Variants in TMEM132D observed in about 807,000 individuals in gnomAD.
The protein encoded by TMEM132D is transmembrane protein 132D.
A neutral mutation model predicts 62.3 loss-of-function variants in TMEM132D; 21 were observed. That is an observed-to-expected ratio of 0.34 (90% confidence interval 0.24 to 0.49). The LOEUF is 0.49. TMEM132D is among the 20% of genes least tolerant of loss of function. The pLI is 0.99. For missense variants in TMEM132D, 1,346 were observed against 1,402.8 expected, an observed-to-expected ratio of 0.96 and a Z score of 0.65; for synonymous variants, 621 against 575.6, an observed-to-expected ratio of 1.08 and a Z score of -1.13.
rs761892015 is a variant in TMEM132D at position 129,524,920 on chromosome 12, C to CTTTTTTTTT, written c.1115+6138_1115+6139insAAAAAAAAA. ...CATTTTATTATTTTCATATTTTTTT[C>CTTTTTTTTT]TTTTTTCTTTTTTTTTTTTTTTTTG... On this transcript the variant is annotated intron_variant, in intron 3 of 8. Transcript: ENST00000422113. Among the ~76,000 whole-genome samples, 32 of 92,160 alleles carry CTTTTTTTTT rather than the reference C, an allele frequency of 3.5e-4. 2 individuals are homozygous for CTTTTTTTTT. Among genetic ancestry groups the CTTTTTTTTT allele is most frequent in the East Asian group, 6.6e-4 (2 of 3,040 alleles). 60.5% of individuals were successfully genotyped at this position (92,160 alleles called of 152,430 possible).
intron 1 of TMEM132D, among the ~76,000 whole-genome samples, chr12:129,776,861 C>T (rs1412494321): frequency 6.7e-6 from 1 of 149,576 alleles, no homozygotes; most frequent in Non-Finnish European, 1.5e-5. Context: ...TCTTTTATCA[C>T]AAAATCTGTT....
chr12:129,796,159 A>G (rs976817006), intron 1 of TMEM132D, among the ~76,000 whole-genome samples: 2 of 151,986 alleles, frequency 1.3e-5, no homozygotes, highest in Non-Finnish European at 2.9e-5. Context: ...ACATACTGAG[A>G]CCCTGTCTCT....
chr12:129,361,696 G>C (rs9971665), intron 3 of TMEM132D, among the ~76,000 whole-genome samples: 12,863 of 152,086 alleles, frequency 0.085, 697 homozygotes, highest in African/African-American at 0.15. Context: ...TATTGCAAAG[G>C]GATATTTAGA....
At chr12:129,537,754 G>C (rs1284009308) in intron 2 of TMEM132D, among the ~76,000 whole-genome samples, 1 of 152,192 alleles carries the variant, frequency 6.6e-6, no homozygotes, top group East Asian at 1.9e-4. Context: ...GAAATGGGGG[G>C]TCTCCACACC....
At chr12:129,078,986 C>G (rs1358451366) in intron 7 of TMEM132D, among the ~76,000 whole-genome samples, 1 of 152,342 alleles carries the variant, frequency 6.6e-6, no homozygotes, top group East Asian at 1.9e-4. Flanking sequence ...CCCCACACAT[C>G]AGCTCCGTTT....
chr12:129,522,051 A>G (rs1875864321), intron 3 of TMEM132D, among the ~76,000 whole-genome samples: 1 of 152,204 alleles, frequency 6.6e-6, no homozygotes, highest in Non-Finnish European at 1.5e-5. Flanking sequence ...GCAAGAGCTT[A>G]ACGAAGGTTC....
intron 4 of TMEM132D, among the ~76,000 whole-genome samples, chr12:129,259,902 G>T (rs1381159379): frequency 6.6e-6 from 1 of 152,114 alleles, no homozygotes; most frequent in Non-Finnish European, 1.5e-5. Context: ...TTACTGAGAT[G>T]GGAAAGATGA....
At chr12:129,166,479 T>A (rs1470485874) in intron 5 of TMEM132D, among the ~76,000 whole-genome samples, 2 of 152,068 alleles carry the variant, frequency 1.3e-5, no homozygotes, top group Non-Finnish European at 2.9e-5. Flanking sequence ...CAAATTTAGA[T>A]TCTATCCTGA....
At chr12:129,901,974 T>C (rs117892227) in intron 1 of TMEM132D, among the ~76,000 whole-genome samples, 2,899 of 152,208 alleles carry the variant, frequency 0.019, 45 homozygotes, top group Middle Eastern at 0.085. Context: ...TTTTCTTTGG[T>C]TTCCTGTGCA....
At chr12:129,459,519 TG>T (rs1362932369) in intron 3 of TMEM132D, among the ~76,000 whole-genome samples, 1 of 152,142 alleles carries the variant, frequency 6.6e-6, no homozygotes, top group Admixed American at 6.5e-5. Flanking sequence ...CCATTTCAGA[TG>T]GGAATACTTA....
At chr12:129,292,316 G>A (rs1177830032) in intron 4 of TMEM132D, among the ~76,000 whole-genome samples, 1 of 152,194 alleles carries the variant, frequency 6.6e-6, no homozygotes, top group Non-Finnish European at 1.5e-5. Flanking sequence ...GAGAAACAAT[G>A]GAAGAAGCCC....
At chr12:129,270,079 T>C (rs1880811825) in intron 4 of TMEM132D, among the ~76,000 whole-genome samples, 2 of 152,206 alleles carry the variant, frequency 1.3e-5, no homozygotes, top group African/African-American at 4.8e-5. Flanking sequence ...AAGCTCTGGC[T>C]TTTCAGAGTC....
Position 129,077,876 on chromosome 12 carries a change from CACAG to C in TMEM132D, c.2115+654_2115+657del, listed in dbSNP as rs1023960320. 1.5e-3 allele frequency among the ~76,000 whole-genome samples: 206 copies of C among 140,614 alleles called. 5 individuals are homozygous for C. In the East Asian group the frequency reaches 0.029, roughly 20 times the overall value. 92.2% of individuals were successfully genotyped at this position (140,614 alleles called of 152,430 possible). On this transcript the variant is annotated intron_variant, in intron 8 of 8. Coordinates refer to ENST00000422113, the MANE Select transcript of TMEM132D (RefSeq NM_133448.3). ...CTGACACAAGACACACACATGCATA[CACAG>C]ACACACAAAAACAACATATATGTAC...
chr12:129,234,516 GA>G (rs1303861646), intron 4 of TMEM132D, among the ~76,000 whole-genome samples: 2 of 152,178 alleles, frequency 1.3e-5, no homozygotes, highest in African/African-American at 4.8e-5. Flanking sequence ...TGTGTGCCTT[GA>G]AAAAGCTACG....
intron 2 of TMEM132D, among the ~76,000 whole-genome samples, chr12:129,653,647 C>T (rs1593106497): frequency 1.3e-5 from 2 of 152,278 alleles, no homozygotes; most frequent in African/African-American, 4.8e-5. Context: ...TGTTTCCCAA[C>T]CCTTATTGTT....
chr12:129,251,215 C>T (rs1411499983), intron 4 of TMEM132D, among the ~76,000 whole-genome samples: 2 of 151,772 alleles, frequency 1.3e-5, no homozygotes, highest in Admixed American at 1.3e-4. Context: ...AAAAATTAGC[C>T]GGGTGTGGTA....
chr12:129,434,185 CAGA>C (rs1047833339), intron 3 of TMEM132D, among the ~76,000 whole-genome samples: 1 of 152,148 alleles, frequency 6.6e-6, no homozygotes, highest in African/African-American at 2.4e-5. Flanking sequence ...GGTCCAGTGA[CAGA>C]AGAAGATGGA....
chr12:129,075,684 GGGAGAAGCATCTT>G (rs1874228179), intron 8 of TMEM132D, among the ~76,000 whole-genome samples: 2 of 152,172 alleles, frequency 1.3e-5, no homozygotes, highest in Admixed American at 1.3e-4. Context: ...CAGCAGGAGA[GGGAGAAGCATCTT>G]GATTGGAGAG....
chr12:129,364,211 T>C (rs758002802), intron 3 of TMEM132D, among the ~76,000 whole-genome samples: 1 of 152,246 alleles, frequency 6.6e-6, no homozygotes, highest in Non-Finnish European at 1.5e-5. Context: ...AGTTGTGTTA[T>C]ACAATACTTA....
Sources: gnomAD v4.1 joint callset for allele counts (sites outside exome capture counted in the v4.1 genomes callset) on GRCh38, gnomAD v4.1.1 for gene constraint, MANE v1.5 for transcripts, NCBI Gene and HGNC (gene_info 2026-07-23, HGNC 2026-07-21) for gene names.